Variants in SH3KBP1 observed in about 807,000 individuals in gnomAD.
The protein encoded by SH3KBP1 is SH3 domain containing kinase binding protein 1.
A neutral mutation model predicts 50.1 loss-of-function variants in SH3KBP1; 8 were observed. The ratio of observed to expected loss-of-function variants is 0.16; its 90% CI spans 0.09 to 0.29. The LOEUF (loss-of-function observed/expected upper bound fraction) is 0.29. SH3KBP1 is among the 10% of genes least tolerant of loss of function. The probability of loss-of-function intolerance (pLI) is 1.00; values close to 1 mark genes in which losing one functional copy is unlikely to be tolerated. For missense variants in SH3KBP1, 377 were observed against 535.2 expected (o/e 0.70, Z 2.92); for synonymous variants, 227 against 218.6 (o/e 1.04, Z -0.34).
intron 3 of SH3KBP1, among the ~76,000 whole-genome samples, chrX:19,713,415 A>C (rs1185259232): frequency 9.2e-6 from 1 of 109,089 alleles, no homozygotes; most frequent in African/African-American, 3.3e-5. Context: ...GATGTGAGCT[A>C]CCACACTGGC....
intron 12 of SH3KBP1, among the ~76,000 whole-genome samples, chrX:19,574,958 C>G (rs747130448): frequency 3.6e-4 from 40 of 111,635 alleles, no homozygotes; most frequent in Middle Eastern, 4.6e-3. Context: ...AGAAACAAAC[C>G]CTGCAGCTAC....
At chrX:19,851,407 A>G (rs1184004127) in intron 1 of SH3KBP1, among the ~76,000 whole-genome samples, 4 of 112,852 alleles carry the variant, frequency 3.5e-5, no homozygotes, top group African/African-American at 9.7e-5. Context: ...ATCTAATTAC[A>G]TGTGATTACT....
intron 3 of SH3KBP1, among the ~76,000 whole-genome samples, chrX:19,726,948 CAGG>C (rs1272928251): frequency 1.8e-5 from 2 of 111,897 alleles, no homozygotes; most frequent in South Asian, 3.7e-4. Context: ...GAAAAGAAAA[CAGG>C]AGAAGGAATG....
chrX:19,815,139 T>C (rs1418998540), intron 2 of SH3KBP1, among the ~76,000 whole-genome samples: 1 of 111,609 alleles, frequency 9.0e-6, no homozygotes, highest in Middle Eastern at 4.6e-3. Flanking sequence ...ATTTTTTTAA[T>C]TTAATGGAAA....
rs780311990 is a variant in SH3KBP1, at chrX:19,588,741, T to G, written c.1200A>C (p.Pro400=). 8.3e-7 allele frequency: 1 copy of G among 1,198,509 alleles called. No homozygotes were observed. Among genetic ancestry groups the G allele is most frequent in the African/African-American group, 1.8e-5 (1 of 56,352 alleles). ...TGGTCTTAGGTGGCCGAGGCTTTTT[T>G]GGCGGTATGGCAGGAACGGAGGGCT... ...LQKPSVPAIP[P]KKPRPPKTNS... Residue 400 remains proline (P), a synonymous_variant, in exon 12 of 18, where the codon CCA becomes CCC. Coordinates refer to ENST00000397821, the MANE Select transcript of SH3KBP1 (RefSeq NM_031892.3).
chrX:19,678,568 TG>T (rs779311186), intron 6 of SH3KBP1, among the ~76,000 whole-genome samples: 1 of 110,954 alleles, frequency 9.0e-6, no homozygotes, highest in African/African-American at 3.3e-5. Flanking sequence ...GGCTGTGCAG[TG>T]TAGAAAGGAT....
chrX:19,722,368 C>G (rs945933854), intron 3 of SH3KBP1, among the ~76,000 whole-genome samples: 1 of 111,906 alleles, frequency 8.9e-6, no homozygotes, highest in Non-Finnish European at 1.9e-5. Context: ...CATTACCCTC[C>G]CCCAACTCAG....
At position 19,683,951 on chromosome X, in the gene SH3KBP1, C is replaced by A. The variant is rs1304076404; in HGVS notation, c.598G>T (p.Val200Leu). 2.5e-6 allele frequency: 3 copies of A among 1,208,825 alleles called. No individual in the cohort carries two copies. Among genetic ancestry groups the A allele is most frequent in the Non-Finnish European group, 3.4e-6 (3 of 894,116 alleles). ...TTGGGCTGGATTGCTGCAGTTGCCACTGTCCCGTTGGCACCTTCAGACTTG... is the reference window on the plus strand; with the variant it reads ...TTGGGCTGGATTGCTGCAGTTGCCAATGTCCCGTTGGCACCTTCAGACTTG... Reference protein sequence around the residue: ...STKSEGANGTVATAAIQPKKV... With the variant: ...STKSEGANGTLATAAIQPKKV... Residue 200 changes from valine to leucine, a missense_variant, in exon 6 of 18, where the codon GTG (valine) becomes TTG (leucine). Around this residue, in one of 3 missense-constraint regions of SH3KBP1, gnomAD observed 257 missense variants for 374.2 expected, o/e 0.69. Transcript: ENST00000397821.
intron 7 of SH3KBP1, among the ~76,000 whole-genome samples, chrX:19,640,542 C>T (rs2061831108): frequency 9.2e-6 from 1 of 108,120 alleles, no homozygotes; most frequent in Non-Finnish European, 1.9e-5. Context: ...ACACGTCCCC[C>T]GGTGTGCAGT....
Position 19,748,937 on chromosome X carries a change from G to A in SH3KBP1, c.163-2496C>T, listed in dbSNP as rs1003627280. Among the ~76,000 whole-genome samples the A allele has an allele frequency of 7.2e-5, 8 of 111,310 alleles. No individual in the cohort carries two copies. In the Admixed American group the frequency reaches 7.6e-4, roughly 11 times the overall value. ...TCTGTTTCTTTTTTGTCCTCCTGTAGTATCTTAAAAACATAAAGGGAAAAA... is the reference window on the plus strand; with the variant it reads ...TCTGTTTCTTTTTTGTCCTCCTGTAATATCTTAAAAACATAAAGGGAAAAA... On this transcript the variant is annotated intron_variant, in intron 2 of 17. Transcript: ENST00000397821.
At chrX:19,540,610 C>T (rs1000339613) in intron 16 of SH3KBP1, among the ~76,000 whole-genome samples, 8 of 111,392 alleles carry the variant, frequency 7.2e-5, no homozygotes, top group Admixed American at 5.7e-4. Context: ...CTTCTGCTGA[C>T]CCCAGACTGG....
chrX:19,534,728 C>T lies in SH3KBP1; in HGVS notation c.*1689G>A, dbSNP rs1029061930. On this transcript the variant is annotated 3_prime_UTR_variant, in exon 18 of 18. Coordinates refer to ENST00000397821, the MANE Select transcript of SH3KBP1 (RefSeq NM_031892.3). ...GTTTCCTTCCTTATACACTCCCTTC[C>T]CTTAATTATGCCCCCACCCAGGAAG... 6.5e-5 allele frequency: 19 copies of T among 292,704 alleles called. No homozygotes were observed. Among genetic ancestry groups the T allele is most frequent in the African/African-American group, 4.7e-4 (17 of 36,071 alleles). The allele number at this position is 292,704 out of a possible 1,213,427, so 24.1% of individuals were successfully genotyped here. A position where few individuals can be genotyped will look rare whatever the true frequency, so the allele number is the denominator to read the frequency against.
intron 7 of SH3KBP1, among the ~76,000 whole-genome samples, chrX:19,640,488 C>CTTTT (rs752769114): frequency 9.9e-6 from 1 of 100,771 alleles, no homozygotes; most frequent in African/African-American, 3.6e-5. Flanking sequence ...TCTGCAACGA[C>CTTTT]TTTTTTTTTT....
At chrX:19,866,711 GA>G (rs1259414680) in intron 1 of SH3KBP1, among the ~76,000 whole-genome samples, 4 of 107,228 alleles carry the variant, frequency 3.7e-5, no homozygotes, top group Admixed American at 1.0e-4. Context: ...AAAAAGAAAA[GA>G]AAAAAAAGAA....
chrX:19,649,183 C>T (rs2062062102), intron 6 of SH3KBP1, among the ~76,000 whole-genome samples: 1 of 111,668 alleles, frequency 9.0e-6, no homozygotes, highest in South Asian at 3.8e-4. Flanking sequence ...CCCCTGAGTG[C>T]CTTAAGGAAG....
chrX:19,696,302 T>C (rs1168010708), intron 4 of SH3KBP1, among the ~76,000 whole-genome samples: 1 of 112,316 alleles, frequency 8.9e-6, no homozygotes, highest in African/African-American at 3.2e-5. Context: ...TCTTATGCGT[T>C]TTATTTTATG....
Position 19,667,812 on chromosome X carries a change from ATTTT to A in SH3KBP1, c.726+16007_726+16010del, listed in dbSNP as rs779927127. Reference sequence around the variant, plus strand: ...AAAGTCTTACTTTTGTTCTGTTGGGATTTTTTTTTTTTTTTTTTTTTTTTTTTAC... The same window carrying A: ...AAAGTCTTACTTTTGTTCTGTTGGGATTTTTTTTTTTTTTTTTTTTTTTAC... On this transcript the variant is annotated intron_variant, in intron 6 of 17. Transcript: ENST00000397821. Among the ~76,000 whole-genome samples the A allele has an allele frequency of 6.5e-3, 364 of 55,866 alleles. 5 individuals are homozygous for A. The highest frequency in any genetic ancestry group is 0.03 in the African/African-American group (346 of 11,529). 48.5% of individuals were successfully genotyped at this position (55,866 alleles called of 115,157 possible).
At chrX:19,764,757 G>A (rs2065539557) in intron 2 of SH3KBP1, among the ~76,000 whole-genome samples, 1 of 109,220 alleles carries the variant, frequency 9.2e-6, no homozygotes, top group Non-Finnish European at 1.9e-5. Context: ...CTGCTACCTA[G>A]GGTCTCACCA....
chrX:19,695,551 G>A, intron 5 of SH3KBP1, 61 bp downstream of exon 5: 1 of 1,174,728 alleles, frequency 8.5e-7, no homozygotes, highest in Non-Finnish European at 1.2e-6. Context: ...CAGAAGGGAG[G>A]CTGGAGCACA....
Sources: allele counts gnomAD v4.1 joint callset (sites outside exome capture counted in the v4.1 genomes callset), GRCh38; gene constraint gnomAD v4.1.1; regional missense constraint gnomAD v4.1.1; transcripts MANE v1.5; gene names NCBI Gene and HGNC (gene_info 2026-07-23, HGNC 2026-07-21).